Variants in SEMA3E observed in about 807,000 individuals in gnomAD.
SEMA3E encodes the protein semaphorin 3E.
Under a neutral mutation model 93.6 loss-of-function variants are expected in SEMA3E, and 49 were observed. The observed-to-expected ratio is 0.52, with a 90% CI of 0.42 to 0.66. The LOEUF is 0.66. Ranked by LOEUF, SEMA3E falls within the 30% of genes least tolerant of loss-of-function variation. The probability of loss-of-function intolerance (pLI) is 0.00; values close to 1 mark genes in which losing one functional copy is unlikely to be tolerated. For synonymous variants in SEMA3E, 363 were observed against 330.7 expected, an observed-to-expected ratio of 1.10 and a Z score of -1.06; for missense variants, 906 against 964.8, an observed-to-expected ratio of 0.94 and a Z score of 0.81.
chr7:83,434,637 T>C (rs1788962177), intron 4 of SEMA3E, among the ~76,000 whole-genome samples: 1 of 152,172 alleles, frequency 6.6e-6, no homozygotes, highest in African/African-American at 2.4e-5. Context: ...CTGATGCCAA[T>C]TACCATTTTG....
At chr7:83,589,339 T>G (rs1197658187) in intron 1 of SEMA3E, among the ~76,000 whole-genome samples, 1 of 152,156 alleles carries the variant, frequency 6.6e-6, no homozygotes, top group Non-Finnish European at 1.5e-5. Flanking sequence ...CAGATATCTA[T>G]CCAGAGTATA....
chr7:83,603,379 A>G (rs987868731), intron 1 of SEMA3E, among the ~76,000 whole-genome samples: 1 of 152,198 alleles, frequency 6.6e-6, no homozygotes, highest in East Asian at 1.9e-4. Flanking sequence ...ACTTTGTGAC[A>G]GGTCCTTTTT....
At chr7:83,419,775 TATC>T (rs34560675) in intron 4 of SEMA3E, among the ~76,000 whole-genome samples, 80,734 of 151,692 alleles carry the variant, frequency 0.53, 23,295 homozygotes, top group East Asian at 0.84. Flanking sequence ...TTAATGGGGT[TATC>T]ATGATTAAAA....
intron 1 of SEMA3E, among the ~76,000 whole-genome samples, chr7:83,560,660 C>T (rs1054325714): frequency 4.0e-5 from 6 of 151,752 alleles, no homozygotes; most frequent in African/African-American, 1.5e-4. Flanking sequence ...CTTTAGTAAG[C>T]TAAATAAATT....
chr7:83,411,083 G>A (rs1051507515), intron 5 of SEMA3E, among the ~76,000 whole-genome samples: 2 of 151,850 alleles, frequency 1.3e-5, no homozygotes, highest in South Asian at 2.1e-4. Flanking sequence ...AGTACACTTC[G>A]ATTTTAATGG....
intron 1 of SEMA3E, among the ~76,000 whole-genome samples, chr7:83,638,028 C>T (rs1023070397): frequency 6.6e-6 from 1 of 152,046 alleles, no homozygotes; most frequent in African/African-American, 2.4e-5. Flanking sequence ...TTGTTAATTA[C>T]TCATTATATA....
intron 1 of SEMA3E, among the ~76,000 whole-genome samples, chr7:83,547,764 C>G (rs1308751431): frequency 6.6e-6 from 1 of 152,102 alleles, no homozygotes; most frequent in Admixed American, 6.6e-5. Context: ...GGCAAATTTT[C>G]TTCCACCCAC....
At chr7:83,402,867 C>T (rs959663857) in intron 9 of SEMA3E, 91 bp from the exon 10 acceptor site, 4 of 1,304,490 alleles carry the variant, frequency 3.1e-6, no homozygotes, top group Non-Finnish European at 4.3e-6. Flanking sequence ...AGAGTCAAGT[C>T]TTTTGGGTAA....
chr7:83,380,511 T>C (rs992150065), intron 16 of SEMA3E, among the ~76,000 whole-genome samples: 7 of 151,974 alleles, frequency 4.6e-5, no homozygotes, highest in Non-Finnish European at 1.0e-4. Context: ...GTTTTTCATC[T>C]TGTAACATAA....
chr7:83,492,294 C>A (rs1288400613), intron 1 of SEMA3E, among the ~76,000 whole-genome samples: 2 of 151,916 alleles, frequency 1.3e-5, no homozygotes, highest in African/African-American at 4.8e-5. Context: ...GGAGGTACTC[C>A]ATGAGTGAAT....
chr7:83,636,922 G>GAT (rs1793892155), intron 1 of SEMA3E, among the ~76,000 whole-genome samples: 1 of 151,910 alleles, frequency 6.6e-6, no homozygotes, highest in Non-Finnish European at 1.5e-5. Context: ...AGCATCCCTT[G>GAT]ATATATAAAA....
intron 1 of SEMA3E, among the ~76,000 whole-genome samples, chr7:83,588,850 T>A (rs902793100): frequency 1.3e-5 from 2 of 152,106 alleles, no homozygotes; most frequent in African/African-American, 4.8e-5. Context: ...CCCAAATCCC[T>A]AGGGCTACTT....
chr7:83,381,422 T>C (rs1787775146), intron 16 of SEMA3E, among the ~76,000 whole-genome samples: 1 of 152,044 alleles, frequency 6.6e-6, no homozygotes, highest in South Asian at 2.1e-4. Flanking sequence ...ACATGACCTA[T>C]GCCCTCACTT....
intron 1 of SEMA3E, among the ~76,000 whole-genome samples, chr7:83,589,166 T>C (rs1299659062): frequency 6.6e-6 from 1 of 152,204 alleles, no homozygotes; most frequent in Non-Finnish European, 1.5e-5. Context: ...ACTCCATCTT[T>C]ATTATAATGG....
intron 1 of SEMA3E, among the ~76,000 whole-genome samples, chr7:83,635,844 A>AAATTATTCAT (rs1793872294): frequency 1.3e-5 from 2 of 151,776 alleles, no homozygotes; most frequent in South Asian, 4.1e-4. Flanking sequence ...ACAAATGGCC[A>AAATTATTCAT]AATTATTCAT....
At chr7:83,540,264 T>C (rs888925076) in intron 1 of SEMA3E, among the ~76,000 whole-genome samples, 1 of 152,194 alleles carries the variant, frequency 6.6e-6, no homozygotes, top group Non-Finnish European at 1.5e-5. Flanking sequence ...AGAATATGTA[T>C]ATTATTCTAG....
At chr7:83,579,578 G>A (rs1287723500) in intron 1 of SEMA3E, among the ~76,000 whole-genome samples, 1 of 151,978 alleles carries the variant, frequency 6.6e-6, no homozygotes, top group African/African-American at 2.4e-5. Flanking sequence ...ATTGGTACAT[G>A]GTAAAAAGTA....
At chr7:83,380,540 A>G (rs924535270) in intron 16 of SEMA3E, among the ~76,000 whole-genome samples, 2 of 151,780 alleles carry the variant, frequency 1.3e-5, no homozygotes, top group African/African-American at 4.8e-5. Flanking sequence ...TATTCTCTCT[A>G]CTAATTACCC....
At chr7:83,421,888 T>C (rs1788674583) in intron 4 of SEMA3E, among the ~76,000 whole-genome samples, 1 of 152,106 alleles carries the variant, frequency 6.6e-6, no homozygotes, top group Admixed American at 6.6e-5. Flanking sequence ...ATTTAAAACA[T>C]AGCCTAGTGC....
Sources: allele counts gnomAD v4.1 joint callset (sites outside exome capture counted in the v4.1 genomes callset), GRCh38; gene constraint gnomAD v4.1.1; transcripts MANE v1.5; gene names NCBI Gene and HGNC (gene_info 2026-07-23, HGNC 2026-07-21).